TMCO5A: variants seen among roughly 807,000 people sequenced by gnomAD.
The protein encoded by TMCO5A is transmembrane and coiled-coil domain-containing protein 5A.
In TMCO5A, 34 loss-of-function variants were observed where a neutral mutation model predicts 42.3. That is an observed-to-expected ratio of 0.80 (90% CI 0.61 to 1.07). The LOEUF (loss-of-function observed/expected upper bound fraction) is 1.07. TMCO5A is among the 50% of genes least tolerant of loss of function. TMCO5A has a pLI of 0.00. For synonymous variants in TMCO5A, 131 were observed against 115.6 expected, an observed-to-expected ratio of 1.13 and a Z score of -0.86; for missense variants, 357 against 327.9, an observed-to-expected ratio of 1.09 and a Z score of -0.69.
At chr15:37,949,467 A>G (rs1566919596) in intron 11 of TMCO5A, among the ~76,000 whole-genome samples, 1 of 152,124 alleles carries the variant, frequency 6.6e-6, no homozygotes. Flanking sequence ...CGCTATAGTA[A>G]TTATTATAGT....
chr15:38,007,207 T>C, the TMCO5A span, among the ~76,000 whole-genome samples: 1 of 152,218 alleles, frequency 6.6e-6, no homozygotes, highest in Non-Finnish European at 1.5e-5. Context: ...GTAGACTTCC[T>C]ATGTAATCTC....
chr15:37,987,991 G>GA, the TMCO5A span, among the ~76,000 whole-genome samples: 1 of 151,884 alleles, frequency 6.6e-6, no homozygotes, highest in African/African-American at 2.4e-5. Flanking sequence ...CCCAATCCAT[G>GA]AATGTAAAAT....
chr15:38,017,036 T>C, the TMCO5A span, among the ~76,000 whole-genome samples: 2 of 152,078 alleles, frequency 1.3e-5, no homozygotes, highest in African/African-American at 4.8e-5. Flanking sequence ...TGTATTTATA[T>C]GGCCAGGGGT....
intron 11 of TMCO5A, among the ~76,000 whole-genome samples, chr15:37,957,634 A>G (rs1890324039): frequency 6.6e-6 from 1 of 152,228 alleles, no homozygotes; most frequent in African/African-American, 2.4e-5. Flanking sequence ...ATGGATAGGA[A>G]TAATCAATGT....
chr15:37,938,819 A>G (rs1889624951), intron 6 of TMCO5A, among the ~76,000 whole-genome samples: 1 of 152,004 alleles, frequency 6.6e-6, no homozygotes, highest in South Asian at 2.1e-4. Flanking sequence ...TGCTAAGCAC[A>G]TCATACTCTG....
intron 2 of TMCO5A, chr15:37,936,072 C>G (rs1041532002): frequency 1.9e-5 from 6 of 317,544 alleles, no homozygotes; most frequent in African/African-American, 1.3e-4. Context: ...AGTGAAGGTG[C>G]ACTGTTAGAT....
At chr15:37,958,367 C>G (rs1253255904) in intron 11 of TMCO5A, among the ~76,000 whole-genome samples, 1 of 147,342 alleles carries the variant, frequency 6.8e-6, no homozygotes, top group African/African-American at 2.5e-5. Flanking sequence ...TATCCAGAAT[C>G]TACAAAGAAC....
At chr15:38,026,912 A>C in the TMCO5A span, among the ~76,000 whole-genome samples, 1 of 152,212 alleles carries the variant, frequency 6.6e-6, no homozygotes, top group Non-Finnish European at 1.5e-5. Flanking sequence ...GGTGCACAGA[A>C]GTCAAGAACT....
the TMCO5A span, among the ~76,000 whole-genome samples, chr15:38,035,982 T>C: frequency 6.6e-6 from 1 of 152,194 alleles, no homozygotes; most frequent in African/African-American, 2.4e-5. Flanking sequence ...GCTAAACTTC[T>C]ATCTTCTCCT....
intron 11 of TMCO5A, 86 bp from the exon 12 acceptor site, chr15:37,950,950 G>A (rs76176576): frequency 0.022 from 25,711 of 1,155,298 alleles, 442 homozygotes; most frequent in Non-Finnish European, 0.025. Context: ...TCAATTAGGA[G>A]CCAGATATGC....
chr15:37,953,600 T>G (rs939321530), downstream of TMCO5A, among the ~76,000 whole-genome samples: 6 of 151,796 alleles, frequency 4.0e-5, no homozygotes, highest in African/African-American at 1.5e-4. Flanking sequence ...GTAGAATGGG[T>G]ACAAACGAGC....
chr15:38,020,578 G>T, the TMCO5A span: 1 of 152,022 alleles, frequency 6.6e-6, no homozygotes, highest in Admixed American at 6.5e-5. Context: ...ACAGACACCT[G>T]GACTTGCAAA....
the TMCO5A span, among the ~76,000 whole-genome samples, chr15:38,016,071 C>A: frequency 9.9e-5 from 15 of 152,206 alleles, 1 homozygote; most frequent in African/African-American, 3.6e-4. Context: ...TCGGATGATA[C>A]TGGGACGTCA....
At chr15:38,010,510 C>T in the TMCO5A span, among the ~76,000 whole-genome samples, 1 of 148,486 alleles carries the variant, frequency 6.7e-6, no homozygotes, top group Non-Finnish European at 1.5e-5. Flanking sequence ...GTGCCATCCA[C>T]GAAGGCTACA....
At chr15:38,014,367 C>T in the TMCO5A span, among the ~76,000 whole-genome samples, 7 of 152,122 alleles carry the variant, frequency 4.6e-5, no homozygotes, top group African/African-American at 9.7e-5. Context: ...AAGATACGAT[C>T]GATTACAAAC....
chr15:37,960,318 A>C (rs910247900), intron 11 of TMCO5A, among the ~76,000 whole-genome samples: 1 of 152,106 alleles, frequency 6.6e-6, no homozygotes, highest in African/African-American at 2.4e-5. Flanking sequence ...TTCACTTAGA[A>C]TAATGGCCTC....
chr15:37,996,697 G>A, the TMCO5A span, among the ~76,000 whole-genome samples: 1 of 152,158 alleles, frequency 6.6e-6, no homozygotes, highest in Non-Finnish European at 1.5e-5. Flanking sequence ...ACCAACTGAA[G>A]CTCTTTAATG....
At chr15:37,955,472 G>C (rs949663702), downstream of TMCO5A, among the ~76,000 whole-genome samples, 1 of 151,844 alleles carries the variant, frequency 6.6e-6, no homozygotes, top group Non-Finnish European at 1.5e-5. Context: ...ACTTTAAACT[G>C]TTACAAATAT....
chr15:37,963,463 T>C (rs1032837562), intron 11 of TMCO5A, among the ~76,000 whole-genome samples: 30 of 152,208 alleles, frequency 2.0e-4, no homozygotes, highest in African/African-American at 6.8e-4. Flanking sequence ...ACTTGTTTTA[T>C]GGCCTATCAT....
Sources: allele counts gnomAD v4.1 joint callset (sites outside exome capture counted in the v4.1 genomes callset), GRCh38; gene constraint gnomAD v4.1.1; transcripts MANE v1.5; gene names NCBI Gene and HGNC (gene_info 2026-07-23, HGNC 2026-07-21).